CFH: variants seen among roughly 807,000 people sequenced by gnomAD.
CFH encodes complement factor H.
A neutral mutation model predicts 147.3 loss-of-function variants in CFH; 53 were observed. The observed-to-expected ratio is 0.36, with a 90% CI of 0.29 to 0.45. CFH has a LOEUF of 0.45. CFH is among the 20% of genes least tolerant of loss of function. The probability of loss-of-function intolerance (pLI) is 1.00; values close to 1 mark genes in which losing one functional copy is unlikely to be tolerated. For missense variants in CFH, 1,380 were observed against 1,498.0 expected (o/e 0.92, Z 1.30); for synonymous variants, 536 against 489.4 (o/e 1.10, Z -1.26).
intron 1 of CFH, among the ~76,000 whole-genome samples, chr1:196,658,644 C>A (rs1328337017): frequency 6.6e-6 from 1 of 151,906 alleles, no homozygotes; most frequent in African/African-American, 2.4e-5. Flanking sequence ...GTCTGGATCT[C>A]CTGACCTCGT....
chr1:196,725,239 A>T lies in CFH; in HGVS notation c.1815A>T (p.Gly605=), dbSNP rs2149107999. 4.3e-6 allele frequency: 7 copies of T among 1,613,992 alleles called. No homozygotes were observed. The highest frequency in any genetic ancestry group is 4.2e-6 in the Non-Finnish European group (5 of 1,179,906). The change falls in exon 12 of 22, where the codon GGA becomes GGT. Residue 605 remains glycine, a synonymous_variant. Coordinates refer to ENST00000367429, the MANE Select transcript of CFH (RefSeq NM_000186.4). ...FSCKPGFTIV[G]PNSVQCYHFG... ...GCAAACCAGGATTTACAATAGTTGGACCTAATTCCGTTCAGTGCTACCACT... is the reference window on the plus strand; with the variant it reads ...GCAAACCAGGATTTACAATAGTTGGTCCTAATTCCGTTCAGTGCTACCACT...
chr1:196,706,573 A>G (rs1379389483), intron 9 of CFH, among the ~76,000 whole-genome samples: 1 of 152,220 alleles, frequency 6.6e-6, no homozygotes, highest in Non-Finnish European at 1.5e-5. Context: ...ACTCCAATCA[A>G]AGAACTCAAA....
intron 7 of CFH, among the ~76,000 whole-genome samples, chr1:196,688,879 G>C (rs1204214330): frequency 1.3e-5 from 2 of 152,070 alleles, no homozygotes; most frequent in African/African-American, 4.8e-5. Context: ...CCAAAGTGCT[G>C]GGATTACAGG....
At chr1:196,654,373 C>A (rs1329298621) in intron 1 of CFH, among the ~76,000 whole-genome samples, 1 of 151,784 alleles carries the variant, frequency 6.6e-6, no homozygotes, top group Non-Finnish European at 1.5e-5. Flanking sequence ...TACATAGAAC[C>A]TTTCTAATGC....
rs757254580 is a variant in CFH, at chr1:196,713,721, C to G, written c.1337-14C>G. 6.6e-7 allele frequency: 1 copy of G among 1,514,104 alleles called. No homozygotes were observed. The highest frequency in any genetic ancestry group is 2.3e-5 in the East Asian group (1 of 43,860). The allele number at this position is 1,514,104 out of a possible 1,614,324, so 93.8% of individuals were successfully genotyped here. On this transcript the variant is annotated splice_polypyrimidine_tract_variant and intron_variant, in intron 9 of 21. Transcript: ENST00000367429. ...ATCATATGCTTGTCTTTTTCTTATT[C>G]TCTTCCCTTTTAGAAACATGTTCCA...
chr1:196,685,356 T>C, intron 7 of CFH, 119 bp downstream of exon 7: 2 of 1,058,332 alleles, frequency 1.9e-6, no homozygotes, highest in South Asian at 1.4e-5. Flanking sequence ...AGTAAGGCTG[T>C]TGGAAGCATT....
chr1:196,708,568 T>TA (rs1485399967), intron 9 of CFH, among the ~76,000 whole-genome samples: 16 of 151,810 alleles, frequency 1.1e-4, no homozygotes, highest in Non-Finnish European at 2.1e-4. Context: ...GGGGAGCCTG[T>TA]AAAAAAAGAT....
At chr1:196,690,275 G>T in intron 9 of CFH, 36 bp downstream of exon 9, 1 of 1,609,586 alleles carries the variant, frequency 6.2e-7, no homozygotes, top group Non-Finnish European at 8.5e-7. Context: ...GCATGTTCAT[G>T]TCTTTCTAAG....
chr1:196,713,810 A>C lies in CFH; in HGVS notation c.1412A>C (p.Glu471Ala). 6.2e-7 allele frequency: 1 copy of C among 1,611,532 alleles called. No individual in the cohort carries two copies. The highest frequency in any genetic ancestry group is 2.2e-5 in the East Asian group (1 of 44,732). The change falls in exon 10 of 22, where the codon GAA (glutamate) becomes GCA (alanine). Residue 471 changes from glutamate (E) to alanine (A), a missense_variant. By Grantham distance (107) the Glu-to-Ala change is moderately radical (BLOSUM62 -1). Around this residue, in one of 4 missense-constraint regions of CFH, gnomAD observed 830 missense variants for 821.4 expected, o/e 1.01. Coordinates refer to ENST00000367429, the MANE Select transcript of CFH (RefSeq NM_000186.4). The stretch of plus-strand genomic sequence containing the variant: ...TCTCAGTATACATATGCCTTAAAAG[A>C]AAAAGCGAAATATCAATGCAAACTA... ...SESQYTYALK[E>A]KAKYQCKLGY...
At chr1:196,723,777 C>G (rs1202801305) in intron 11 of CFH, among the ~76,000 whole-genome samples, 5 of 151,954 alleles carry the variant, frequency 3.3e-5, no homozygotes, top group Non-Finnish European at 7.4e-5. Flanking sequence ...GGGGAGATAC[C>G]CGTAGCTTGT....
intron 17 of CFH, among the ~76,000 whole-genome samples, chr1:196,739,025 G>A (rs1652700185): frequency 6.6e-6 from 1 of 152,220 alleles, no homozygotes; most frequent in Non-Finnish European, 1.5e-5. Flanking sequence ...ATCCACCAAG[G>A]CTTGGGGTTT....
In CFH at chr1:196,715,647, G is replaced by A. The variant is rs1328357943; in HGVS notation, c.1574G>A (p.Trp525Ter). ...GCCAGAACTAAAAATGACTTCACAT[G>A]GTTTAAGCTGAATGACACATTGGAC... ...MNARTKNDFTWFKLNDTLDYE... is the reference protein window; with the variant it reads ...MNARTKNDFT Residue 525 changes from tryptophan (W) to a stop codon, truncating the protein, a stop_gained, in exon 11 of 22, where the codon TGG becomes TAG. Coordinates refer to ENST00000367429, the MANE Select transcript of CFH (RefSeq NM_000186.4). LOFTEE classifies it high-confidence loss of function. The A allele has an allele frequency of 1.2e-6, 2 of 1,612,704 alleles. No homozygotes were observed. Among genetic ancestry groups the A allele is most frequent in the Non-Finnish European group, 1.7e-6 (2 of 1,179,168 alleles).
chr1:196,714,052 A>T (rs1668786912), intron 10 of CFH, 135 bp downstream of exon 10: 1 of 766,296 alleles, frequency 1.3e-6, no homozygotes, highest in East Asian at 2.7e-5. Flanking sequence ...CAAAGCAGAC[A>T]TCAATTTTTT....
chr1:196,691,582 C>G lies in CFH; in HGVS notation c.1336+1343C>G, dbSNP rs547492273. Among the ~76,000 whole-genome samples, 25 of 151,872 alleles carry G rather than the reference C, an allele frequency of 1.6e-4. No individual in the cohort carries two copies. The South Asian group carries it at 5.0e-3, about 30-fold the overall frequency. ...TTAATGCTTCTAATCTTTGGAAATG[C>G]AGTTTGATTTTCTTTATTTACCTTT... is the stretch of plus-strand genomic sequence containing the variant. On this transcript the variant is annotated intron_variant, in intron 9 of 21. Coordinates refer to ENST00000367429, the MANE Select transcript of CFH (RefSeq NM_000186.4).
intron 15 of CFH, among the ~76,000 whole-genome samples, chr1:196,733,075 T>C (rs1669316710): frequency 6.6e-6 from 1 of 152,016 alleles, no homozygotes; most frequent in Non-Finnish European, 1.5e-5. Flanking sequence ...GTTGGAGCTA[T>C]AGAAGTGATG....
At chr1:196,684,954 G>A (rs1251223947) in intron 6 of CFH, 110 bp from the exon 7 acceptor site, 2 of 830,026 alleles carry the variant, frequency 2.4e-6, no homozygotes, top group African/African-American at 1.7e-5. Context: ...ATGCCATTTT[G>A]TATTATGCTA....
intron 1 of CFH, among the ~76,000 whole-genome samples, chr1:196,662,070 T>A (rs1208957831): frequency 6.6e-6 from 1 of 152,198 alleles, no homozygotes; most frequent in Non-Finnish European, 1.5e-5. Context: ...GCCTCAGCCC[T>A]ATGTTTCAGA....
At chr1:196,724,994 GA>G in intron 11 of CFH, 126 bp from the exon 12 acceptor site, 1 of 719,820 alleles carries the variant, frequency 1.4e-6, no homozygotes, top group Non-Finnish European at 2.4e-6. Context: ...TCTTTACAGG[GA>G]AAAGGATTTA....
Position 196,685,156 on chromosome 1 carries a change from A to G in CFH, c.883A>G (p.Arg295Gly). 6.2e-7 allele frequency: 1 copy of G among 1,613,154 alleles called. No individual in the cohort carries two copies. Among genetic ancestry groups the G allele is most frequent in the Non-Finnish European group, 8.5e-7 (1 of 1,179,340 alleles). Residue 295 changes from arginine (R) to glycine (G), a missense_variant, in exon 7 of 22, where the codon AGA becomes GGA. Transcript: ENST00000367429. Reference protein sequence around the residue: ...RTGDEITYQCRNGFYPATRGN... With the variant: ...RTGDEITYQCGNGFYPATRGN... ...TGGAGATGAAATCACGTACCAGTGT[A>G]GAAATGGTTTTTATCCTGCAACCCG...
Sources: gnomAD v4.1 joint callset for allele counts (sites outside exome capture counted in the v4.1 genomes callset) on GRCh38, gnomAD v4.1.1 for gene constraint, gnomAD v4.1.1 regional missense constraint, MANE v1.5 for transcripts, NCBI Gene and HGNC (gene_info 2026-07-23, HGNC 2026-07-21) for gene names.